The following EPHB1 variants were observed in gnomAD, a reference collection of about 807,000 sequenced individuals.
EPHB1 encodes the protein EPH receptor B1.
Under a neutral mutation model 94.4 loss-of-function variants are expected in EPHB1, and 30 were observed. That is an observed-to-expected ratio of 0.32 (90% confidence interval 0.24 to 0.43). The LOEUF is 0.43. EPHB1 is among the 20% of genes least tolerant of loss of function. The pLI is 1.00. For missense variants in EPHB1, 1,055 were observed against 1,308.3 expected, an observed-to-expected ratio of 0.81 and a Z score of 2.99; for synonymous variants, 522 against 489.1, an observed-to-expected ratio of 1.07 and a Z score of -0.89.
chr3:135,245,805 C>CAAAA (rs34702210), intron 13 of EPHB1, among the ~76,000 whole-genome samples: 14 of 26,736 alleles, frequency 5.2e-4, no homozygotes, highest in Non-Finnish European at 6.5e-4. Context: ...GACACCATCT[C>CAAAA]AAAAAAAAAA....
At chr3:135,236,001 G>T (rs1348600565) in intron 12 of EPHB1, among the ~76,000 whole-genome samples, 1 of 152,186 alleles carries the variant, frequency 6.6e-6, no homozygotes, top group Admixed American at 6.5e-5. Flanking sequence ...GAACTTAACA[G>T]TGGTATTGTT....
At chr3:135,173,313 C>T (rs529613548) in intron 9 of EPHB1, among the ~76,000 whole-genome samples, 9 of 152,284 alleles carry the variant, frequency 5.9e-5, no homozygotes, top group Admixed American at 2.6e-4. Flanking sequence ...GGATTACAGG[C>T]GTGAGCCACC....
chr3:135,251,810 G>A (rs952184633), intron 15 of EPHB1, among the ~76,000 whole-genome samples: 2 of 152,174 alleles, frequency 1.3e-5, no homozygotes, highest in Admixed American at 6.5e-5. Context: ...AGGGTGTGAT[G>A]TGCAGTGTAC....
intron 9 of EPHB1, among the ~76,000 whole-genome samples, chr3:135,177,204 C>T (rs1037609294): frequency 2.6e-5 from 4 of 152,146 alleles, no homozygotes; most frequent in Admixed American, 1.3e-4. Flanking sequence ...TCACATTACA[C>T]GGGGCTAGTA....
At chr3:134,961,141 A>T (rs1007932766) in intron 3 of EPHB1, among the ~76,000 whole-genome samples, 2 of 152,138 alleles carry the variant, frequency 1.3e-5, no homozygotes, top group Non-Finnish European at 2.9e-5. Flanking sequence ...TGGGCCCTGT[A>T]TGCTTATATA....
At chr3:134,945,190 T>G (rs966574238) in intron 2 of EPHB1, among the ~76,000 whole-genome samples, 1 of 152,172 alleles carries the variant, frequency 6.6e-6, no homozygotes, top group Non-Finnish European at 1.5e-5. Context: ...TCTATCAGGT[T>G]TTCTTTTTTC....
chr3:135,102,715 C>T (rs557024937), intron 3 of EPHB1, among the ~76,000 whole-genome samples: 1 of 152,270 alleles, frequency 6.6e-6, no homozygotes, highest in African/African-American at 2.4e-5. Context: ...ATAGCAAAGA[C>T]TTGGAACCAA....
At chr3:135,196,933 G>T (rs1942634512) in intron 11 of EPHB1, among the ~76,000 whole-genome samples, 1 of 151,850 alleles carries the variant, frequency 6.6e-6, no homozygotes, top group Admixed American at 6.6e-5. Flanking sequence ...CAAATTCAAG[G>T]GATTCAACCT....
chr3:135,088,216 C>T (rs1050709793), intron 3 of EPHB1, among the ~76,000 whole-genome samples: 5 of 152,090 alleles, frequency 3.3e-5, no homozygotes, highest in Non-Finnish European at 5.9e-5. Flanking sequence ...TCCCCACCCC[C>T]TTAGATAACT....
At position 135,027,957 on chromosome 3, in the gene EPHB1, GTGTA is replaced by G. The variant is rs1279176811; in HGVS notation, c.805+75909_805+75912del. ...TTCTTCCTGGTTTAGTCTTGGGAGAGTGTATGTGTCAAGGAATTTATCCATTTCT... is the reference window on the plus strand; with the variant it reads ...TTCTTCCTGGTTTAGTCTTGGGAGAGTGTGTCAAGGAATTTATCCATTTCT... On this transcript the variant is annotated intron_variant, in intron 3 of 15. Coordinates refer to ENST00000398015, the MANE Select transcript of EPHB1 (RefSeq NM_004441.5). Among the ~76,000 whole-genome samples, 859 of 144,180 alleles carry G rather than the reference GTGTA, an allele frequency of 6.0e-3. 15 individuals are homozygous for G. The highest frequency in any genetic ancestry group is 0.02 in the African/African-American group (809 of 40,784). The allele number at this position is 144,180 out of a possible 152,430, so 94.6% of individuals were successfully genotyped here. A position where few individuals can be genotyped will look rare whatever the true frequency, so the allele number is the denominator to read the frequency against.
intron 1 of EPHB1, among the ~76,000 whole-genome samples, chr3:134,910,964 G>A (rs985248521): frequency 2.6e-5 from 4 of 152,260 alleles, no homozygotes; most frequent in Non-Finnish European, 5.9e-5. Context: ...CAATCCTGTG[G>A]AACAGGGAGA....
At chr3:135,158,241 AC>A (rs148038203) in intron 6 of EPHB1, among the ~76,000 whole-genome samples, 7,097 of 152,220 alleles carry the variant, frequency 0.047, 549 homozygotes, top group African/African-American at 0.16. Flanking sequence ...AAAGAAGCAA[AC>A]CCCATTATTT....
intron 10 of EPHB1, 67 bp downstream of exon 10, chr3:135,180,049 A>G: frequency 6.3e-7 from 1 of 1,590,178 alleles, no homozygotes; most frequent in Non-Finnish European, 8.6e-7. Flanking sequence ...ACCACCCTAG[A>G]TGGTCTCTTT....
Position 134,827,390 on chromosome 3 carries a change from T to C in EPHB1, c.58+31701T>C, listed in dbSNP as rs186211781. Among the ~76,000 whole-genome samples the C allele has an allele frequency of 4.7e-4, 66 of 141,686 alleles. No individual in the cohort carries two copies. The South Asian group carries it at 6.0e-3, about 13-fold the overall frequency. The allele number at this position is 141,686 out of a possible 152,430, so 93.0% of individuals were successfully genotyped here. A position where few individuals can be genotyped will look rare whatever the true frequency, so the allele number is the denominator to read the frequency against. The stretch of plus-strand genomic sequence containing the variant: ...ACACACACACACACACACACACACA[T>C]ACACACACACTCCTTATGGGCTTCT... On this transcript the variant is annotated intron_variant, in intron 1 of 15. Transcript: ENST00000398015.
chr3:135,122,202 T>C (rs1459245685), intron 4 of EPHB1, among the ~76,000 whole-genome samples: 1 of 152,090 alleles, frequency 6.6e-6, no homozygotes, highest in Non-Finnish European at 1.5e-5. Flanking sequence ...TAAACACAGA[T>C]GGATTGATCT....
intron 14 of EPHB1, among the ~76,000 whole-genome samples, 184 bp downstream of exon 14, chr3:135,248,693 G>A (rs1373778807): frequency 6.6e-6 from 1 of 152,088 alleles, no homozygotes; most frequent in Non-Finnish European, 1.5e-5. Flanking sequence ...GATCATGATA[G>A]AGAAAATAGT....
At chr3:135,122,936 A>C (rs777047765) in intron 4 of EPHB1, among the ~76,000 whole-genome samples, 4 of 152,212 alleles carry the variant, frequency 2.6e-5, no homozygotes. Flanking sequence ...CCTAATGAGC[A>C]ACACGTGCAG....
At chr3:134,964,934 A>T (rs919325515) in intron 3 of EPHB1, among the ~76,000 whole-genome samples, 3 of 152,246 alleles carry the variant, frequency 2.0e-5, no homozygotes, top group Admixed American at 6.5e-5. Context: ...GCAATTTTAA[A>T]AATGAACTCT....
intron 3 of EPHB1, among the ~76,000 whole-genome samples, chr3:135,074,002 T>C (rs6439552): frequency 0.81 from 123,681 of 152,172 alleles, 51,887 homozygotes; most frequent in Non-Finnish European, 0.91. Context: ...TTGTCTGATT[T>C]TTCTCTCTGT....
Sources: gnomAD v4.1 joint callset for allele counts (sites outside exome capture counted in the v4.1 genomes callset) on GRCh38, gnomAD v4.1.1 for gene constraint, MANE v1.5 for transcripts, NCBI Gene and HGNC (gene_info 2026-07-23, HGNC 2026-07-21) for gene names.